The following ELAPOR2 variants were observed in gnomAD, a reference collection of about 807,000 sequenced individuals.
ELAPOR2 encodes the protein endosome/lysosome-associated apoptosis and autophagy regulator family member 2.
A neutral mutation model predicts 120.7 loss-of-function variants in ELAPOR2; 89 were observed. The observed-to-expected ratio is 0.74, with a 90% CI of 0.62 to 0.88. The LOEUF (loss-of-function observed/expected upper bound fraction) is 0.88. Among genes scored for constraint, ELAPOR2 ranks in the 40% least tolerant of loss-of-function variants. ELAPOR2 has a pLI of 0.00. For missense variants in ELAPOR2, 1,134 were observed against 1,251.6 expected (o/e 0.91, Z 1.42); for synonymous variants, 444 against 444.9 (o/e 1.00, Z 0.03).
intron 2 of ELAPOR2, among the ~76,000 whole-genome samples, chr7:86,956,589 G>A (rs755143753): frequency 2.0e-5 from 3 of 152,204 alleles, no homozygotes; most frequent in Non-Finnish European, 4.4e-5. Flanking sequence ...TGACACCACA[G>A]ATAGTAATCC....
intron 8 of ELAPOR2, among the ~76,000 whole-genome samples, chr7:86,930,000 C>A (rs1283322031): frequency 6.6e-6 from 1 of 151,928 alleles, no homozygotes; most frequent in Non-Finnish European, 1.5e-5. Flanking sequence ...AATTAAACTT[C>A]TTTCATTTAT....
chr7:86,991,338 A>G (rs1025934265), intron 1 of ELAPOR2, among the ~76,000 whole-genome samples: 4 of 152,160 alleles, frequency 2.6e-5, no homozygotes, highest in African/African-American at 9.7e-5. Flanking sequence ...CTGGCCAGTC[A>G]AACATTCCAC....
At chr7:87,030,795 A>C (rs1251927176) in intron 1 of ELAPOR2, among the ~76,000 whole-genome samples, 1 of 152,114 alleles carries the variant, frequency 6.6e-6, no homozygotes, top group Non-Finnish European at 1.5e-5. Context: ...ATAGTCCACC[A>C]GGTTTGTAGG....
At chr7:87,011,671 A>C (rs1025312903) in intron 1 of ELAPOR2, among the ~76,000 whole-genome samples, 8 of 152,212 alleles carry the variant, frequency 5.3e-5, no homozygotes, top group Non-Finnish European at 1.0e-4. Context: ...AGCACATAAC[A>C]ACCACCTATA....
chr7:86,951,292 T>C (rs921948800), intron 2 of ELAPOR2, among the ~76,000 whole-genome samples: 10 of 152,246 alleles, frequency 6.6e-5, no homozygotes, highest in African/African-American at 1.9e-4. Flanking sequence ...TAAAGTTATC[T>C]TGGAAGACAG....
chr7:86,919,179 T>TAA (rs1431076438), intron 11 of ELAPOR2, 41 bp downstream of exon 11: 5 of 1,420,606 alleles, frequency 3.5e-6, no homozygotes, highest in Non-Finnish European at 5.0e-6. Context: ...GAAACAGGTG[T>TAA]AAGGATTCTT....
intron 18 of ELAPOR2, among the ~76,000 whole-genome samples, chr7:86,902,864 CA>C (rs1330113625): frequency 6.6e-6 from 1 of 152,142 alleles, no homozygotes; most frequent in African/African-American, 2.4e-5. Context: ...CCTCACCCTT[CA>C]AAGTGTCTGC....
intron 1 of ELAPOR2, among the ~76,000 whole-genome samples, chr7:87,053,318 A>G (rs1795168634): frequency 6.6e-6 from 1 of 152,204 alleles, no homozygotes; most frequent in Non-Finnish European, 1.5e-5. Context: ...GAAAGATAGT[A>G]CTGTTTGCTA....
At chr7:87,016,097 C>T (rs1450476516) in intron 1 of ELAPOR2, among the ~76,000 whole-genome samples, 4 of 152,084 alleles carry the variant, frequency 2.6e-5, no homozygotes, top group Non-Finnish European at 5.9e-5. Flanking sequence ...AATCTAAATA[C>T]TTGAAAGCAA....
chr7:87,048,142 G>C (rs1795007242), intron 1 of ELAPOR2, among the ~76,000 whole-genome samples: 1 of 152,030 alleles, frequency 6.6e-6, no homozygotes. Flanking sequence ...TACTCGGGAA[G>C]CTGAGGCAGG....
At chr7:86,945,149 T>C (rs765968535) in intron 3 of ELAPOR2, 103 bp from the exon 4 acceptor site, 8 of 1,060,898 alleles carry the variant, frequency 7.5e-6, no homozygotes, top group Non-Finnish European at 1.1e-5. Context: ...ATCAGCAAAG[T>C]ACAGCAGAAA....
At chr7:86,884,459 CG>C (rs1458707298) in intron 21 of ELAPOR2, among the ~76,000 whole-genome samples, 3 of 152,110 alleles carry the variant, frequency 2.0e-5, no homozygotes, top group Non-Finnish European at 4.4e-5. Context: ...AAACTGAACC[CG>C]GATTGAAAAT....
intron 10 of ELAPOR2, 142 bp downstream of exon 10, chr7:86,925,386 A>G (rs1301463485): frequency 4.0e-6 from 3 of 755,678 alleles, no homozygotes; most frequent in Non-Finnish European, 6.4e-6. Flanking sequence ...TTTTTATGGT[A>G]CAACCAGAAG....
At chr7:86,976,816 C>G (rs1375228087) in intron 1 of ELAPOR2, among the ~76,000 whole-genome samples, 3 of 152,120 alleles carry the variant, frequency 2.0e-5, no homozygotes, top group Non-Finnish European at 4.4e-5. Flanking sequence ...GACTAATGCT[C>G]CAGAGAAAAG....
At chr7:86,969,710 C>T (rs371374429) in intron 1 of ELAPOR2, among the ~76,000 whole-genome samples, 9 of 152,286 alleles carry the variant, frequency 5.9e-5, no homozygotes, top group African/African-American at 2.2e-4. Context: ...CAAGTAAAAA[C>T]TCTTGTCAAA....
chr7:86,926,362 C>T (rs569823258), intron 9 of ELAPOR2, among the ~76,000 whole-genome samples: 2 of 152,072 alleles, frequency 1.3e-5, no homozygotes, highest in South Asian at 2.1e-4. Flanking sequence ...GTTTAAATGT[C>T]CTTCTCAATG....
chr7:87,040,814 T>A (rs567903664), intron 1 of ELAPOR2, among the ~76,000 whole-genome samples: 2,160 of 152,208 alleles, frequency 0.014, 53 homozygotes, highest in African/African-American at 0.048. Flanking sequence ...CAAATTACTC[T>A]GAGCTACGGG....
intron 1 of ELAPOR2, among the ~76,000 whole-genome samples, chr7:87,015,581 G>A (rs1218701419): frequency 6.6e-6 from 1 of 152,174 alleles, no homozygotes; most frequent in Non-Finnish European, 1.5e-5. Flanking sequence ...GAGGCCAGGA[G>A]CTCGAGACCA....
chr7:87,015,319 G>A (rs1183872565), intron 1 of ELAPOR2, among the ~76,000 whole-genome samples: 1 of 152,062 alleles, frequency 6.6e-6, no homozygotes, highest in Non-Finnish European at 1.5e-5. Context: ...GTTTCTTATT[G>A]GACACAAAAA....
Sources: gnomAD v4.1 joint callset for allele counts (sites outside exome capture counted in the v4.1 genomes callset) on GRCh38, gnomAD v4.1.1 for gene constraint, MANE v1.5 for transcripts, NCBI Gene and HGNC (gene_info 2026-07-23, HGNC 2026-07-21) for gene names.